Variants in GFI1 observed in about 807,000 individuals in gnomAD.
GFI1 encodes the protein growth factor independent 1 transcriptional repressor.
Under a neutral mutation model 39.2 loss-of-function variants are expected in GFI1, and 15 were observed. The observed-to-expected ratio is 0.38, with a 90% CI of 0.26 to 0.59. The LOEUF (loss-of-function observed/expected upper bound fraction) is 0.59, where lower values mean the gene tolerates loss of function less well. GFI1 is among the 20% of genes least tolerant of loss of function. The pLI is 0.62. For missense variants in GFI1, 475 were observed against 574.0 expected, an observed-to-expected ratio of 0.83 and a Z score of 1.76; for synonymous variants, 239 against 254.3, an observed-to-expected ratio of 0.94 and a Z score of 0.57.
In GFI1 at chr1:92,481,057, G is replaced by A; in HGVS notation, c.330C>T (p.Asp110=). Residue 110 remains aspartate, a synonymous_variant, in exon 4 of 7, where the codon GAC becomes GAT. Coordinates refer to ENST00000294702, the MANE Select transcript of GFI1 (RefSeq NM_005263.5). This position sits in a 1 kb window ranked among gnomAD's most constrained non-coding sequence, Gnocchi z 4.3. ...ASEKSMCPSL[D]EAQPFPLPFK... ...AAGGCAGGGGGAAGGGCTGGGCTTC[G>A]TCCAGCGATGGGCACATTGACTTCT... 6.2e-7 allele frequency: 1 copy of A among 1,611,724 alleles called. No homozygotes were observed. Among genetic ancestry groups the A allele is most frequent in the South Asian group, 1.1e-5 (1 of 91,004 alleles).
Position 92,482,949 on chromosome 1 carries a change from G to T in GFI1, c.213C>A (p.Ser71=), listed in dbSNP as rs142661981. Residue 71 remains serine (S), a synonymous_variant, in exon 3 of 7, where the codon TCC becomes TCA. Coordinates refer to ENST00000294702, the MANE Select transcript of GFI1 (RefSeq NM_005263.5). The surrounding 1 kb of genome is among the most constrained non-coding windows in gnomAD (Gnocchi z 4.4). ...LTEAPDRASA[S]PDSCEGSVCE... The stretch of plus-strand genomic sequence containing the variant: ...AGACGCTGCCTTCGCAGCTGTCTGG[G>T]GATGCGGAGGCTCTGTCTGGGGCTT... 6.2e-7 allele frequency: 1 copy of T among 1,613,720 alleles called. No homozygotes were observed. Among genetic ancestry groups the T allele is most frequent in the African/African-American group, 1.3e-5 (1 of 74,934 alleles).
chr1:92,480,062 T>G lies in GFI1; in HGVS notation c.924+286A>C, dbSNP rs889387231. Among the ~76,000 whole-genome samples, 1 of 152,150 alleles carries G rather than the reference T, an allele frequency of 6.6e-6. No homozygotes were observed. The highest frequency in any genetic ancestry group is 1.5e-5 in the Non-Finnish European group (1 of 68,008). ...CTGATATATCAGCAGCACGAATCAGTGCATACAAACCTACCTCAAGCCCAA... is the reference window on the plus strand; with the variant it reads ...CTGATATATCAGCAGCACGAATCAGGGCATACAAACCTACCTCAAGCCCAA... On this transcript the variant is annotated intron_variant, in intron 5 of 6. Transcript: ENST00000294702. This position sits in a 1 kb window ranked among gnomAD's most constrained non-coding sequence, Gnocchi z 5.6.
In GFI1 at chr1:92,474,421, T is replaced by C. The variant is rs11582379; in HGVS notation, c.*1608A>G. ...AAGACCTGTGATTTCTTTATTCATC[T>C]GGGAGCCTTCAGGCCCCTAAAAAAA... On this transcript the variant is annotated 3_prime_UTR_variant, in exon 7 of 7. Transcript: ENST00000294702. 0.089 allele frequency among the ~76,000 whole-genome samples: 13,617 copies of C among 152,258 alleles called. 941 individuals carry two copies. The highest frequency in any genetic ancestry group is 0.13 in the Non-Finnish European group (8,777 of 68,020).
rs868315713 is a variant in GFI1, at chr1:92,482,809, C to A, written c.298+55G>T. On this transcript the variant is annotated intron_variant, in intron 3 of 6. Coordinates refer to ENST00000294702, the MANE Select transcript of GFI1 (RefSeq NM_005263.5). The surrounding 1 kb of genome is among the most constrained non-coding windows in gnomAD (Gnocchi z 4.4). ...GCCCAAGGTCGCGCCAATTCCCCCC[C>A]AGCACTGCCGGGTCCCTGCAGCTCC... 5 of 1,410,200 alleles carry A rather than the reference C, an allele frequency of 3.5e-6. No homozygotes were observed. Among genetic ancestry groups the A allele is most frequent in the Middle Eastern group, 1.8e-4 (1 of 5,634 alleles). 87.4% of individuals were successfully genotyped at this position (1,410,200 alleles called of 1,614,324 possible).
In GFI1 at chr1:92,478,761, G is replaced by GAGAGAGAT. The variant is rs1553162640; in HGVS notation, c.925-9_925-8insATCTCTCT. 3.6e-6 allele frequency: 3 copies of GAGAGAGAT among 830,644 alleles called. No individual in the cohort carries two copies. The highest frequency in any genetic ancestry group is 3.8e-5 in the African/African-American group (2 of 52,428). The allele number at this position is 830,644 out of a possible 1,614,324, so 51.5% of individuals were successfully genotyped here. ...ACAGTCAAAGCTCCGTTCCTGCAGA[G>GAGAGAGAT]AGAGAGAGAGAGAGAGAGAGAGAGA... On this transcript the variant is annotated splice_polypyrimidine_tract_variant and intron_variant, in intron 5 of 6. Transcript: ENST00000294702.
At position 92,484,315 on chromosome 1, in the gene GFI1, A is replaced by G. The variant is rs1048225419; in HGVS notation, c.-99-729T>C. ...CTCGCCCCTCACTAGTGCCCCACGT[A>G]GGAGAAACTTTGCCCTTGGACTCCC... On this transcript the variant is annotated intron_variant, in intron 1 of 6. Transcript: ENST00000294702. The surrounding 1 kb of genome is among the most constrained non-coding windows in gnomAD (Gnocchi z 4.1). 1 of 152,768 alleles carries G rather than the reference A, an allele frequency of 6.5e-6. No homozygotes were observed. The highest frequency in any genetic ancestry group is 2.4e-5 in the African/African-American group (1 of 41,446). The allele number at this position is 152,768 out of a possible 1,614,324, so 9.5% of individuals were successfully genotyped here. A position where few individuals can be genotyped will look rare whatever the true frequency, so the allele number is the denominator to read the frequency against.
rs760933177 is a variant in GFI1, at chr1:92,482,822, T to A, written c.298+42A>T. 5 of 1,517,544 alleles carry A rather than the reference T, an allele frequency of 3.3e-6. No individual in the cohort carries two copies. In the South Asian group the frequency reaches 5.6e-5, roughly 17 times the overall value. 94.0% of individuals were successfully genotyped at this position (1,517,544 alleles called of 1,614,324 possible). ...CCAATTCCCCCCCAGCACTGCCGGGTCCCTGCAGCTCCCGCCCAAGAGGTT... is the reference window on the plus strand; with the variant it reads ...CCAATTCCCCCCCAGCACTGCCGGGACCCTGCAGCTCCCGCCCAAGAGGTT... On this transcript the variant is annotated intron_variant, in intron 3 of 6. Transcript: ENST00000294702. This position sits in a 1 kb window ranked among gnomAD's most constrained non-coding sequence, Gnocchi z 4.4.
intron 6 of GFI1, among the ~76,000 whole-genome samples, chr1:92,476,857 A>G (rs955137038): frequency 6.6e-6 from 1 of 152,152 alleles, no homozygotes; most frequent in Non-Finnish European, 1.5e-5. Flanking sequence ...TTGGGCCACA[A>G]AGGATTAAGG....
rs1571215129 is a variant in GFI1 at position 92,480,223 on chromosome 1, C to T, written c.924+125G>A. 9.1e-6 allele frequency: 10 copies of T among 1,104,664 alleles called. No homozygotes were observed. In the East Asian group the frequency reaches 2.1e-4, roughly 23 times the overall value. The allele number at this position is 1,104,664 out of a possible 1,614,324, so 68.4% of individuals were successfully genotyped here. On this transcript the variant is annotated intron_variant, in intron 5 of 6. Coordinates refer to ENST00000294702, the MANE Select transcript of GFI1 (RefSeq NM_005263.5). The surrounding 1 kb of genome is among the most constrained non-coding windows in gnomAD (Gnocchi z 5.6). ...CAGGGCAAGGGGACGCAGCGGAGGG[C>T]TTGGGGGAGGAAACTGGGGGAAGTC...
In GFI1 at chr1:92,474,439, T is replaced by TA. The variant is rs972336641; in HGVS notation, c.*1589dup. On this transcript the variant is annotated 3_prime_UTR_variant, in exon 7 of 7. Transcript: ENST00000294702. ...ATTCATCTGGGAGCCTTCAGGCCCCTAAAAAAATATGTTGACATTTTCAGA... is the reference window on the plus strand; with the variant it reads ...ATTCATCTGGGAGCCTTCAGGCCCCTAAAAAAAATATGTTGACATTTTCAGA... Among the ~76,000 whole-genome samples the TA allele has an allele frequency of 1.3e-5, 2 of 152,202 alleles. No individual in the cohort carries two copies. The highest frequency in any genetic ancestry group is 2.4e-5 in the African/African-American group (1 of 41,502).
At position 92,480,983 on chromosome 1, in the gene GFI1, A is replaced by G. The variant is rs1190477865; in HGVS notation, c.404T>C (p.Leu135Pro). 2.5e-6 allele frequency: 4 copies of G among 1,606,118 alleles called. No individual in the cohort carries two copies. The highest frequency in any genetic ancestry group is 1.1e-5 in the South Asian group (1 of 89,886). ...SGLAGSDLRH[L>P]VQSYRPCGAL... ...CCCACACGGTCGGTAGCTCTGCACC[A>G]GGTGCCGCAGGTCAGAACCCGCCAG... Residue 135 changes from leucine to proline, a missense_variant, in exon 4 of 7, where the codon CTG (leucine) becomes CCG (proline). Leu to Pro is a moderately conservative substitution (Grantham distance 98). Around this residue, in one of 4 missense-constraint regions of GFI1, gnomAD observed 275 missense variants for 275.8 expected, o/e 1.00. Transcript: ENST00000294702. The surrounding 1 kb of genome is among the most constrained non-coding windows in gnomAD (Gnocchi z 5.6).
At chr1:92,479,923 T>C (rs1296219132) in intron 5 of GFI1, among the ~76,000 whole-genome samples, 1 of 152,062 alleles carries the variant, frequency 6.6e-6, no homozygotes, top group Non-Finnish European at 1.5e-5. Context: ...AATATGCTAC[T>C]AGATGCTCTA....
intron 6 of GFI1, 95 bp downstream of exon 6, chr1:92,478,493 G>A (rs932513740): frequency 8.8e-6 from 9 of 1,022,998 alleles, no homozygotes; most frequent in African/African-American, 7.9e-5. Context: ...CATCAGAAAG[G>A]CCTCATCCAC....
At chr1:92,476,293 G>T in intron 6 of GFI1, 86 bp from the exon 7 acceptor site, 1 of 1,273,620 alleles carries the variant, frequency 7.9e-7, no homozygotes, top group Non-Finnish European at 1.1e-6. Context: ...GCTCTTGGCA[G>T]CAGCTGGTTG....
rs971909480 is a variant in GFI1, at chr1:92,481,144, G to A, written c.299-56C>T. 2.9e-5 allele frequency: 43 copies of A among 1,467,922 alleles called. No individual in the cohort carries two copies. Among genetic ancestry groups the A allele is most frequent in the Non-Finnish European group, 3.9e-5 (41 of 1,061,864 alleles). The allele number at this position is 1,467,922 out of a possible 1,614,324, so 90.9% of individuals were successfully genotyped here. On this transcript the variant is annotated intron_variant, in intron 3 of 6. Transcript: ENST00000294702. This position sits in a 1 kb window ranked among gnomAD's most constrained non-coding sequence, Gnocchi z 4.3. ...GGCTTCAGACGGCAGAGCGGAGGCCGCCGGGCTGCGGCTGCGAGCGTGGCG... is the reference window on the plus strand; with the variant it reads ...GGCTTCAGACGGCAGAGCGGAGGCCACCGGGCTGCGGCTGCGAGCGTGGCG...
chr1:92,486,237 C>T (rs1347678656), intron 1 of GFI1, among the ~76,000 whole-genome samples: 2 of 152,188 alleles, frequency 1.3e-5, no homozygotes, highest in Non-Finnish European at 2.9e-5. Flanking sequence ...CGCTCCTTTG[C>T]GCAAGTGGCC....
In GFI1 at chr1:92,483,410, G is replaced by A; in HGVS notation, c.78C>T (p.Ser26=). 6.2e-7 allele frequency: 1 copy of A among 1,612,954 alleles called. No individual in the cohort carries two copies. The highest frequency in any genetic ancestry group is 1.3e-5 in the African/African-American group (1 of 75,036). ...HQPRSPGPDY[S]LRLENVPAPS... is the part of the protein sequence containing the mutation. ...GCGCCGGTACATTCTCTAAACGGAG[G>A]GAATAGTCTGGTCCTGGGGAGCGCG... The change falls in exon 2 of 7, where the codon TCC becomes TCT. Residue 26 remains serine (S), a synonymous_variant. Transcript: ENST00000294702.
chr1:92,476,342 C>A, intron 6 of GFI1, 135 bp from the exon 7 acceptor site: 1 of 783,070 alleles, frequency 1.3e-6, no homozygotes. Flanking sequence ...TGGAGGGTGA[C>A]GTGTTGCAAC....
In GFI1 at chr1:92,480,382, A is replaced by C; in HGVS notation, c.890T>G (p.Val297Gly). 6.5e-7 allele frequency: 1 copy of C among 1,550,200 alleles called. No homozygotes were observed. The highest frequency in any genetic ancestry group is 8.7e-7 in the Non-Finnish European group (1 of 1,146,646). The change falls in exon 5 of 7, where the codon GTG becomes GGG. Residue 297 changes from valine (V) to glycine (G), a missense_variant. Physicochemically the swap from Val to Gly is moderately radical, Grantham distance 109. Transcript: ENST00000294702. This position sits in a 1 kb window ranked among gnomAD's most constrained non-coding sequence, Gnocchi z 5.6. ...CACGGCTTTGTGCTGCTCCAGGCTCACCGCGTGCCCGAAGGTCTTGCCGCA... is the reference window on the plus strand; with the variant it reads ...CACGGCTTTGTGCTGCTCCAGGCTCCCCGCGTGCCCGAAGGTCTTGCCGCA... ...EMCGKTFGHAVSLEQHKAVHS... is the reference protein window; with the variant it reads ...EMCGKTFGHAGSLEQHKAVHS...
Sources: gnomAD v4.1 joint callset for allele counts (sites outside exome capture counted in the v4.1 genomes callset) on GRCh38, gnomAD v4.1.1 for gene constraint, gnomAD v4.1.1 regional missense constraint, Gnocchi (gnomAD v3.1) non-coding constraint, MANE v1.5 for transcripts, NCBI Gene and HGNC (gene_info 2026-07-23, HGNC 2026-07-21) for gene names.